CACNA2D1: variants seen among roughly 807,000 people sequenced by gnomAD.
CACNA2D1 encodes voltage-dependent calcium channel subunit alpha-2/delta-1.
In CACNA2D1, 53 loss-of-function variants were observed where a neutral mutation model predicts 171.5. The observed-to-expected ratio is 0.31, with a 90% confidence interval of 0.25 to 0.39. The LOEUF (loss-of-function observed/expected upper bound fraction) is 0.39, where lower values mean the gene tolerates loss of function less well. CACNA2D1 is among the 10% of genes least tolerant of loss of function. CACNA2D1 has a pLI of 1.00. For synonymous variants in CACNA2D1, 442 were observed against 443.1 expected (o/e 1.00, Z 0.03); for missense variants, 903 against 1,299.8 (o/e 0.69, Z 4.69).
intron 18 of CACNA2D1, among the ~76,000 whole-genome samples, chr7:82,000,481 G>C (rs1457635835): frequency 6.6e-6 from 1 of 152,114 alleles, no homozygotes; most frequent in African/African-American, 2.4e-5. Flanking sequence ...TTAGTGGAGT[G>C]CTCAAGAACA....
At chr7:82,033,397 G>T (rs1802944100) in intron 11 of CACNA2D1, among the ~76,000 whole-genome samples, 1 of 151,914 alleles carries the variant, frequency 6.6e-6, no homozygotes, top group African/African-American at 2.4e-5. Flanking sequence ...TTAAAAAAAT[G>T]AGCTTTTAAT....
intron 1 of CACNA2D1, among the ~76,000 whole-genome samples, chr7:82,365,306 T>A (rs1266467751): frequency 6.6e-6 from 1 of 152,240 alleles, no homozygotes; most frequent in Non-Finnish European, 1.5e-5. Flanking sequence ...TCATTGCAAC[T>A]TTTAAGGTAT....
chr7:82,425,836 A>T (rs1829120257), intron 1 of CACNA2D1, among the ~76,000 whole-genome samples: 1 of 149,498 alleles, frequency 6.7e-6, no homozygotes, highest in Non-Finnish European at 1.5e-5. Flanking sequence ...CTTTATGAAG[A>T]TTCTGTTTGG....
rs1792123128 is a variant in CACNA2D1 at position 81,947,343 on chromosome 7, A to AAGTT, written c.*3045_*3048dup. The AAGTT allele has an allele frequency of 6.6e-6, 1 of 151,076 alleles. No individual in the cohort carries two copies. The allele number at this position is 151,076 out of a possible 1,614,324, so 9.4% of individuals were successfully genotyped here. A position where few individuals can be genotyped will look rare whatever the true frequency, so the allele number is the denominator to read the frequency against. On this transcript the variant is annotated 3_prime_UTR_variant, in exon 39 of 39. Coordinates refer to ENST00000356860, the MANE Select transcript of CACNA2D1 (RefSeq NM_000722.4). ...ACTGTTTTTTGTTTTTTTTTTTCCC[A>AAGTT]AGTTAAGCAGTAACACCTCAAGCAT... is the stretch of plus-strand genomic sequence containing the variant.
intron 3 of CACNA2D1, among the ~76,000 whole-genome samples, chr7:82,325,891 T>C (rs1005578197): frequency 3.3e-5 from 5 of 152,180 alleles, no homozygotes; most frequent in Middle Eastern, 3.2e-3. Flanking sequence ...GGAGTTTGCA[T>C]GTTCTCCCCA....
intron 3 of CACNA2D1, among the ~76,000 whole-genome samples, chr7:82,200,215 A>C (rs1799272579): frequency 6.6e-6 from 1 of 152,142 alleles, no homozygotes; most frequent in South Asian, 2.1e-4. Context: ...ACTCAAGTAG[A>C]ATATATTGTT....
At chr7:82,303,166 T>C (rs985416711) in intron 3 of CACNA2D1, among the ~76,000 whole-genome samples, 6 of 151,992 alleles carry the variant, frequency 3.9e-5, no homozygotes, top group African/African-American at 9.7e-5. Flanking sequence ...GCTAATTTTG[T>C]TTTTGTATTT....
chr7:82,064,485 A>G, intron 8 of CACNA2D1, 131 bp from the exon 9 acceptor site: 1 of 604,756 alleles, frequency 1.7e-6, no homozygotes, highest in South Asian at 2.1e-5. Context: ...ATCTAAGTAG[A>G]CAATGGTTTT....
chr7:82,062,481 A>T (rs1040190548), intron 9 of CACNA2D1, among the ~76,000 whole-genome samples: 3 of 151,968 alleles, frequency 2.0e-5, no homozygotes, highest in African/African-American at 4.8e-5. Context: ...TCTCTTATGT[A>T]TTCCTTTAGT....
intron 2 of CACNA2D1, among the ~76,000 whole-genome samples, chr7:82,348,530 C>T (rs1171414331): frequency 2.0e-5 from 3 of 152,126 alleles, no homozygotes; most frequent in East Asian, 1.9e-4. Flanking sequence ...CAGGGAACAC[C>T]TTTCATTTCC....
chr7:82,040,559 CTAAG>C (rs903752289), intron 10 of CACNA2D1, among the ~76,000 whole-genome samples: 5 of 149,498 alleles, frequency 3.3e-5, no homozygotes, highest in African/African-American at 4.9e-5. Context: ...CCTGAGAAAA[CTAAG>C]TAAGAGCAAG....
intron 3 of CACNA2D1, among the ~76,000 whole-genome samples, chr7:82,188,977 T>C (rs868793186): frequency 1.3e-5 from 2 of 151,856 alleles, no homozygotes; most frequent in Admixed American, 6.6e-5. Flanking sequence ...TGAATACACA[T>C]GGACATGAAG....
intron 1 of CACNA2D1, among the ~76,000 whole-genome samples, chr7:82,432,525 G>A (rs1829774878): frequency 6.6e-6 from 1 of 152,174 alleles, no homozygotes; most frequent in Non-Finnish European, 1.5e-5. Context: ...TTGTTTATTT[G>A]TTTAGAGATG....
intron 3 of CACNA2D1, among the ~76,000 whole-genome samples, chr7:82,181,516 G>A (rs1328596228): frequency 2.0e-5 from 3 of 152,298 alleles, no homozygotes; most frequent in African/African-American, 7.2e-5. Context: ...CTACTGGAGT[G>A]GGCCCTGTGA....
intron 38 of CACNA2D1, among the ~76,000 whole-genome samples, chr7:81,956,239 G>T (rs1187308410): frequency 1.3e-5 from 2 of 151,756 alleles, no homozygotes; most frequent in Non-Finnish European, 2.9e-5. Flanking sequence ...CTCCCAAAGT[G>T]CTGGGATTAT....
chr7:82,157,490 C>T (rs1008885265), intron 4 of CACNA2D1, among the ~76,000 whole-genome samples: 1 of 151,932 alleles, frequency 6.6e-6, no homozygotes, highest in African/African-American at 2.4e-5. Context: ...GGATTAAAAT[C>T]CAGGTTATTA....
chr7:82,267,761 G>C (rs1178974869), intron 3 of CACNA2D1, among the ~76,000 whole-genome samples: 1 of 152,146 alleles, frequency 6.6e-6, no homozygotes, highest in Non-Finnish European at 1.5e-5. Flanking sequence ...TTGGGAGGCC[G>C]AGGTGGGCGG....
chr7:82,146,981 C>A (rs1793201622), intron 4 of CACNA2D1, among the ~76,000 whole-genome samples: 1 of 41,174 alleles, frequency 2.4e-5, no homozygotes, highest in Non-Finnish European at 4.3e-5. Context: ...AGACTCCCAT[C>A]TCAAAAAAAA....
intron 1 of CACNA2D1, among the ~76,000 whole-genome samples, chr7:82,412,242 A>G (rs1827750545): frequency 6.6e-6 from 1 of 151,062 alleles, no homozygotes; most frequent in Admixed American, 6.6e-5. Context: ...CTTCACTTAC[A>G]TATTTGTAAC....
Sources: gnomAD v4.1 joint callset for allele counts (sites outside exome capture counted in the v4.1 genomes callset) on GRCh38, gnomAD v4.1.1 for gene constraint, MANE v1.5 for transcripts, NCBI Gene and HGNC (gene_info 2026-07-23, HGNC 2026-07-21) for gene names.